MED12L: variants seen among roughly 807,000 people sequenced by gnomAD.
The protein encoded by MED12L is mediator complex subunit 12L.
In MED12L, 60 loss-of-function variants were observed where a neutral mutation model predicts 281.3. The ratio of observed to expected loss-of-function variants is 0.21; its 90% CI spans 0.17 to 0.26. The LOEUF (loss-of-function observed/expected upper bound fraction) is 0.26, where lower values mean the gene tolerates loss of function less well. MED12L is among the 10% of genes least tolerant of loss of function. The pLI, the probability that MED12L is intolerant of heterozygous loss-of-function variation, is 1.00. For synonymous variants in MED12L, 974 were observed against 987.2 expected (o/e 0.99, Z 0.25); for missense variants, 2,146 against 2,680.9 (o/e 0.80, Z 4.41).
At chr3:151,304,031 C>A (rs1746298664) in intron 16 of MED12L, among the ~76,000 whole-genome samples, 1 of 152,138 alleles carries the variant, frequency 6.6e-6, no homozygotes, top group African/African-American at 2.4e-5. Context: ...GATTCAGCAA[C>A]AAAAAGGTCA....
At chr3:151,410,904 C>A (rs953914748) in intron 40 of MED12L, among the ~76,000 whole-genome samples, 1 of 152,188 alleles carries the variant, frequency 6.6e-6, no homozygotes, top group Non-Finnish European at 1.5e-5. Context: ...ATTAATAATA[C>A]TTCATCTGTT....
intron 12 of MED12L, among the ~76,000 whole-genome samples, chr3:151,187,720 T>C (rs919520365): frequency 1.4e-4 from 21 of 152,328 alleles, no homozygotes; most frequent in Admixed American, 9.8e-4. Flanking sequence ...AGAGATCTTA[T>C]TGGCGGAATG....
intron 20 of MED12L, 80 bp downstream of exon 20, chr3:151,357,456 A>G: frequency 7.8e-7 from 1 of 1,278,102 alleles, no homozygotes; most frequent in Non-Finnish European, 1.1e-6. Context: ...TGGCTTTAAA[A>G]GAAAAATAGT....
At chr3:151,238,978 T>A (rs1445090343) in intron 16 of MED12L, among the ~76,000 whole-genome samples, 1 of 152,176 alleles carries the variant, frequency 6.6e-6, no homozygotes, top group African/African-American at 2.4e-5. Context: ...CTGAATGAAC[T>A]GAGAGACAAT....
rs770045022 is a variant in MED12L, at chr3:151,328,127, A to G, written c.2251-21932A>G. On this transcript the variant is annotated intron_variant, in intron 16 of 44. Transcript: ENST00000687756. ...TATGTATATTAAGGGATCCATACAA[A>G]TGTTAGTTGCTGCCAAAAAGAGAGT... The G allele has an allele frequency of 1.9e-6, 3 of 1,613,074 alleles. No individual in the cohort carries two copies. The African/African-American group carries it at 4.0e-5, about 22-fold the overall frequency.
chr3:151,392,960 A>G (rs1714478375), intron 38 of MED12L, among the ~76,000 whole-genome samples: 1 of 152,236 alleles, frequency 6.6e-6, no homozygotes, highest in Non-Finnish European at 1.5e-5. Context: ...ATCAATATAC[A>G]TAATTCTTAA....
chr3:151,273,916 T>C (rs1350111646), intron 16 of MED12L, among the ~76,000 whole-genome samples: 1 of 152,222 alleles, frequency 6.6e-6, no homozygotes, highest in Non-Finnish European at 1.5e-5. Flanking sequence ...AAAACTTCAC[T>C]GTGTTATGAG....
intron 2 of MED12L, among the ~76,000 whole-genome samples, chr3:151,105,473 A>G (rs1721898910): frequency 6.6e-6 from 1 of 151,992 alleles, no homozygotes. Flanking sequence ...CGGAATGGCC[A>G]TGTTCCCTGC....
intron 16 of MED12L, among the ~76,000 whole-genome samples, chr3:151,279,988 G>A (rs769833775): frequency 6.6e-6 from 1 of 151,202 alleles, no homozygotes; most frequent in Non-Finnish European, 1.5e-5. Flanking sequence ...ATAATTTGTT[G>A]CTTCTTGACT....
intron 17 of MED12L, among the ~76,000 whole-genome samples, chr3:151,354,065 C>T (rs962446532): frequency 4.4e-5 from 6 of 136,096 alleles, no homozygotes; most frequent in Non-Finnish European, 3.1e-5. Context: ...GGCGTGAACC[C>T]GGGAGGCGGA....
At chr3:151,185,290 T>A in intron 11 of MED12L, 40 bp from the exon 12 acceptor site, 3 of 1,591,732 alleles carry the variant, frequency 1.9e-6, no homozygotes, top group South Asian at 2.3e-5. Context: ...GGTGAATGTT[T>A]CATTTGATGT....
In MED12L at chr3:151,385,140, T is replaced by A. The variant is rs571343943; in HGVS notation, c.5037T>A (p.Ile1679=). The A allele has an allele frequency of 1.2e-6, 2 of 1,609,228 alleles. No individual in the cohort carries two copies. Among genetic ancestry groups the A allele is most frequent in the Admixed American group, 3.4e-5 (2 of 59,172 alleles). Residue 1679 remains isoleucine, a synonymous_variant, in exon 36 of 45, where the codon ATT becomes ATA. Coordinates refer to ENST00000687756, the MANE Select transcript of MED12L (RefSeq NM_001393769.1). ...CTTGTGAACCTATGGGTTCCTTGAT[T>A]GACACAAAAGGAAACAAAATTGCTG... ...VITCEPMGSL[I]DTKGNKIAGF...
At position 151,319,023 on chromosome 3, in the gene MED12L, G is replaced by A. The variant is rs558209382; in HGVS notation, c.2251-31036G>A. 3.3e-5 allele frequency among the ~76,000 whole-genome samples: 5 copies of A among 152,220 alleles called. No homozygotes were observed. The South Asian group carries it at 6.2e-4, about 19-fold the overall frequency. ...CTGGCTTGGAGTGTTTCAGTGTTTC[G>A]TTGGCTGGCAGCGCAAATTTAGTAT... On this transcript the variant is annotated intron_variant, in intron 16 of 44. Transcript: ENST00000687756.
intron 11 of MED12L, among the ~76,000 whole-genome samples, chr3:151,173,168 G>C (rs1050654869): frequency 6.6e-6 from 1 of 151,424 alleles, no homozygotes; most frequent in African/African-American, 2.4e-5. Flanking sequence ...TCCCTGGCCT[G>C]TGAGATGCAC....
chr3:151,409,642 A>G (rs1716734672), intron 40 of MED12L, among the ~76,000 whole-genome samples: 1 of 152,168 alleles, frequency 6.6e-6, no homozygotes, highest in Non-Finnish European at 1.5e-5. Context: ...TATAATGTAT[A>G]ATGATGTAAT....
Position 151,367,642 on chromosome 3 carries a change from GA to G in MED12L, c.3328-2del. 1.3e-6 allele frequency: 2 copies of G among 1,598,176 alleles called. No homozygotes were observed. The highest frequency in any genetic ancestry group is 1.7e-6 in the Non-Finnish European group (2 of 1,170,232). ...ATTAAAACCTGTCAATGTTTTTCTTGAAGGTGAGTGACCTTTCATTCCATGA... is the reference window on the plus strand; with the variant it reads ...ATTAAAACCTGTCAATGTTTTTCTTGAGGTGAGTGACCTTTCATTCCATGA... On this transcript the variant is annotated splice_polypyrimidine_tract_variant and splice_region_variant and intron_variant, in intron 23 of 44. Transcript: ENST00000687756.
At chr3:151,268,072 A>G (rs752121709) in intron 16 of MED12L, among the ~76,000 whole-genome samples, 10 of 152,310 alleles carry the variant, frequency 6.6e-5, no homozygotes, top group African/African-American at 2.4e-4. Context: ...CTGTTTTAAT[A>G]TGCATCGGTG....
chr3:151,325,954 T>C (rs968950866), intron 16 of MED12L, among the ~76,000 whole-genome samples: 1 of 152,208 alleles, frequency 6.6e-6, no homozygotes, highest in African/African-American at 2.4e-5. Context: ...GTAATGATTA[T>C]TTAATTCTTT....
At chr3:151,346,170 A>G (rs561475351) in intron 16 of MED12L, among the ~76,000 whole-genome samples, 1 of 152,234 alleles carries the variant, frequency 6.6e-6, no homozygotes, top group Admixed American at 6.5e-5. Flanking sequence ...TTTTATTTTC[A>G]CTAATTTTCT....
Sources: gnomAD v4.1 joint callset for allele counts (sites outside exome capture counted in the v4.1 genomes callset) on GRCh38, gnomAD v4.1.1 for gene constraint, MANE v1.5 for transcripts, NCBI Gene and HGNC (gene_info 2026-07-23, HGNC 2026-07-21) for gene names.